Variants in ITFG1 observed in about 807,000 individuals in gnomAD.
ITFG1 encodes the protein T-cell immunomodulatory protein.
ITFG1 carries 34 observed loss-of-function variants against 81.8 expected under a neutral mutation model. That is an observed-to-expected ratio of 0.42 (90% CI 0.32 to 0.55). ITFG1 has a LOEUF of 0.55. Among genes scored for constraint, ITFG1 ranks in the 20% least tolerant of loss-of-function variants. The pLI is 0.17. For missense variants in ITFG1, 672 were observed against 755.4 expected, an observed-to-expected ratio of 0.89 and a Z score of 1.29; for synonymous variants, 285 against 270.6, an observed-to-expected ratio of 1.05 and a Z score of -0.52.
At chr16:47,195,290 C>A (rs918139695) in intron 14 of ITFG1, among the ~76,000 whole-genome samples, 3 of 151,990 alleles carry the variant, frequency 2.0e-5, no homozygotes, top group Non-Finnish European at 4.4e-5. Context: ...GTTTTATAGC[C>A]CATTATTGTT....
chr16:47,256,499 G>C (rs1176510058), intron 12 of ITFG1, among the ~76,000 whole-genome samples: 2 of 152,156 alleles, frequency 1.3e-5, no homozygotes, highest in African/African-American at 4.8e-5. Context: ...GTTGAAGAAG[G>C]ACAGAGATAA....
chr16:47,293,450 T>C (rs1966938472), intron 10 of ITFG1, among the ~76,000 whole-genome samples: 1 of 152,032 alleles, frequency 6.6e-6, no homozygotes, highest in African/African-American at 2.4e-5. Flanking sequence ...TATACAGGTG[T>C]ACTAATAAAC....
At chr16:47,372,197 C>T (rs944995031) in intron 7 of ITFG1, among the ~76,000 whole-genome samples, 5 of 152,066 alleles carry the variant, frequency 3.3e-5, no homozygotes, top group African/African-American at 4.8e-5. Flanking sequence ...AGTTCTGTTC[C>T]TACATTTCTA....
At chr16:47,403,419 AAGG>A (rs1220502083) in intron 6 of ITFG1, among the ~76,000 whole-genome samples, 2 of 152,078 alleles carry the variant, frequency 1.3e-5, no homozygotes, top group Non-Finnish European at 2.9e-5. Context: ...TTTTAAAAAA[AAGG>A]AGGTTAGGGG....
intron 10 of ITFG1, among the ~76,000 whole-genome samples, chr16:47,306,863 G>A (rs1967169400): frequency 6.6e-6 from 1 of 151,858 alleles, no homozygotes; most frequent in South Asian, 2.1e-4. Flanking sequence ...GGGAGGCCTA[G>A]GCGGGTGGAT....
chr16:47,403,493 G>A (rs1968688766), intron 6 of ITFG1, among the ~76,000 whole-genome samples: 1 of 152,056 alleles, frequency 6.6e-6, no homozygotes, highest in South Asian at 2.1e-4. Flanking sequence ...GCACATGTAT[G>A]TTTTCACTGG....
At chr16:47,452,070 T>C (rs1181362327) in intron 4 of ITFG1, among the ~76,000 whole-genome samples, 2 of 152,104 alleles carry the variant, frequency 1.3e-5, no homozygotes, top group Non-Finnish European at 2.9e-5. Context: ...ATGAAAGAAA[T>C]CTAGCGGGGC....
At chr16:47,312,287 A>C (rs1478378855) in intron 9 of ITFG1, 1 of 152,172 alleles carries the variant, frequency 6.6e-6, no homozygotes, top group Non-Finnish European at 1.5e-5. Context: ...GGCACAGCTG[A>C]CTTGAGATGG....
At chr16:47,352,107 T>C (rs1967967376) in intron 8 of ITFG1, among the ~76,000 whole-genome samples, 1 of 152,126 alleles carries the variant, frequency 6.6e-6, no homozygotes, top group African/African-American at 2.4e-5. Flanking sequence ...ATAAAAACCC[T>C]AGAAAAAACC....
At chr16:47,220,041 G>A (rs1158819205) in intron 13 of ITFG1, among the ~76,000 whole-genome samples, 1 of 152,182 alleles carries the variant, frequency 6.6e-6, no homozygotes, top group Non-Finnish European at 1.5e-5. Context: ...TTATCTTGCA[G>A]ATGGGCAAGG....
intron 14 of ITFG1, among the ~76,000 whole-genome samples, chr16:47,180,636 C>T (rs1222095926): frequency 6.6e-6 from 1 of 152,192 alleles, no homozygotes; most frequent in Non-Finnish European, 1.5e-5. Context: ...CCGCCAGCCT[C>T]GGCCTCCCGA....
chr16:47,233,601 CA>C (rs1181602415), intron 13 of ITFG1, among the ~76,000 whole-genome samples: 2 of 152,174 alleles, frequency 1.3e-5, no homozygotes, highest in African/African-American at 4.8e-5. Flanking sequence ...AGCCTGCCTT[CA>C]AAGAAAACTT....
chr16:47,399,162 G>A (rs1968628078), intron 6 of ITFG1, among the ~76,000 whole-genome samples: 1 of 152,180 alleles, frequency 6.6e-6, no homozygotes, highest in South Asian at 2.1e-4. Flanking sequence ...ATGAGATAAA[G>A]GCAAATGGAG....
chr16:47,315,782 C>CAT (rs763994869), intron 8 of ITFG1, among the ~76,000 whole-genome samples: 128 of 125,612 alleles, frequency 1.0e-3, no homozygotes, highest in Non-Finnish European at 1.6e-3. Flanking sequence ...TATATATACA[C>CAT]ATATATATAA....
chr16:47,398,922 G>A (rs1255629714), intron 6 of ITFG1, among the ~76,000 whole-genome samples: 5 of 152,142 alleles, frequency 3.3e-5, no homozygotes, highest in Non-Finnish European at 5.9e-5. Context: ...CCACATGCAT[G>A]GATCAAGCTA....
chr16:47,162,352 C>A (rs959203999), intron 15 of ITFG1, among the ~76,000 whole-genome samples, 188 bp downstream of exon 15: 1 of 152,082 alleles, frequency 6.6e-6, no homozygotes, highest in Non-Finnish European at 1.5e-5. Flanking sequence ...ATCTTAAAAT[C>A]ATGATGTGCT....
intron 5 of ITFG1, among the ~76,000 whole-genome samples, chr16:47,437,564 A>G (rs1969183792): frequency 6.6e-6 from 1 of 152,156 alleles, no homozygotes; most frequent in African/African-American, 2.4e-5. Context: ...AAAATGGAAG[A>G]AAAGTTGTGG....
At chr16:47,186,022 A>C (rs1332395978) in intron 14 of ITFG1, among the ~76,000 whole-genome samples, 1 of 152,186 alleles carries the variant, frequency 6.6e-6, no homozygotes, top group African/African-American at 2.4e-5. Flanking sequence ...GAAATGGATA[A>C]ATTCCTCGAC....
chr16:47,241,322 A>T (rs919799373), intron 12 of ITFG1, among the ~76,000 whole-genome samples: 1 of 152,234 alleles, frequency 6.6e-6, no homozygotes, highest in African/African-American at 2.4e-5. Flanking sequence ...AAAGAAACAT[A>T]TATCCAAACA....
Sources: gnomAD v4.1 joint callset for allele counts (sites outside exome capture counted in the v4.1 genomes callset) on GRCh38, gnomAD v4.1.1 for gene constraint, MANE v1.5 for transcripts, NCBI Gene and HGNC (gene_info 2026-07-23, HGNC 2026-07-21) for gene names.